Variants in TBC1D22A observed in about 807,000 individuals in gnomAD.
TBC1D22A encodes the protein TBC1 domain family member 22A.
A neutral mutation model predicts 60.2 loss-of-function variants in TBC1D22A; 38 were observed. That is an observed-to-expected ratio of 0.63 (90% confidence interval 0.49 to 0.83). The LOEUF (loss-of-function observed/expected upper bound fraction) is 0.83, where lower values mean the gene tolerates loss of function less well. Among genes scored for constraint, TBC1D22A ranks in the 40% least tolerant of loss-of-function variants. The pLI, the probability that TBC1D22A is intolerant of heterozygous loss-of-function variation, is 0.00. For synonymous variants in TBC1D22A, 302 were observed against 281.7 expected (o/e 1.07, Z -0.72); for missense variants, 628 against 701.0 (o/e 0.90, Z 1.18).
chr22:46,856,536 T>C (rs2087578077), intron 4 of TBC1D22A, among the ~76,000 whole-genome samples: 1 of 152,222 alleles, frequency 6.6e-6, no homozygotes. Context: ...TTAAATGCCA[T>C]GCAACATTGG....
intron 12 of TBC1D22A, among the ~76,000 whole-genome samples, chr22:47,141,480 T>C (rs2067083434): frequency 6.6e-6 from 1 of 152,224 alleles, no homozygotes; most frequent in South Asian, 2.1e-4. Flanking sequence ...AGGGCAGTTG[T>C]CCCCAGATCA....
chr22:46,973,276 A>G (rs2074149699), intron 8 of TBC1D22A, among the ~76,000 whole-genome samples: 1 of 152,174 alleles, frequency 6.6e-6, no homozygotes, highest in Non-Finnish European at 1.5e-5. Context: ...CATGTGTACC[A>G]GGCTGCTCGG....
intron 4 of TBC1D22A, among the ~76,000 whole-genome samples, chr22:46,812,302 C>T (rs1344423568): frequency 1.3e-5 from 2 of 152,224 alleles, no homozygotes; most frequent in Non-Finnish European, 2.9e-5. Context: ...TGCTCGTTCC[C>T]TGGCACCAGC....
intron 12 of TBC1D22A, among the ~76,000 whole-genome samples, chr22:47,139,319 C>T (rs955131452): frequency 1.3e-5 from 2 of 152,218 alleles, no homozygotes; most frequent in Non-Finnish European, 2.9e-5. Flanking sequence ...CAGAGGACAC[C>T]GCTGACACAA....
rs2061688073 is a variant in TBC1D22A at position 47,009,476 on chromosome 22, C to G, written c.1201+11767C>G. Among the ~76,000 whole-genome samples the G allele has an allele frequency of 1.4e-5, 2 of 140,374 alleles. No homozygotes were observed. The highest frequency in any genetic ancestry group is 3.2e-5 in the Non-Finnish European group (2 of 62,216). The allele number at this position is 140,374 out of a possible 152,430, so 92.1% of individuals were successfully genotyped here. A position where few individuals can be genotyped will look rare whatever the true frequency, so the allele number is the denominator to read the frequency against. On this transcript the variant is annotated intron_variant, in intron 10 of 12. Coordinates refer to ENST00000337137, the MANE Select transcript of TBC1D22A (RefSeq NM_014346.5). This position sits in a 1 kb window ranked among gnomAD's most constrained non-coding sequence, Gnocchi z 5.8. ...ATTTCTGTCATCACCATCGTCATCA[C>G]TATCACCATCATTTCATCACCATCA...
intron 10 of TBC1D22A, among the ~76,000 whole-genome samples, chr22:47,000,174 G>A (rs1295402411): frequency 2.6e-5 from 4 of 152,156 alleles, no homozygotes; most frequent in African/African-American, 9.7e-5. Context: ...TGCCCAGATG[G>A]GAATAGTTCA....
chr22:47,030,329 A>T (rs1003076842), intron 10 of TBC1D22A, among the ~76,000 whole-genome samples: 4 of 152,226 alleles, frequency 2.6e-5, no homozygotes, highest in Non-Finnish European at 5.9e-5. Flanking sequence ...GGTCCTGCAT[A>T]AACAGTGTGT....
At chr22:47,167,555 C>A (rs1198868569) in intron 12 of TBC1D22A, among the ~76,000 whole-genome samples, 1 of 152,112 alleles carries the variant, frequency 6.6e-6, no homozygotes, top group African/African-American at 2.4e-5. Flanking sequence ...GGTTCTTGTC[C>A]CACAGCCAAG....
intron 7 of TBC1D22A, among the ~76,000 whole-genome samples, chr22:46,911,187 G>T (rs566785716): frequency 4.6e-4 from 70 of 152,232 alleles, no homozygotes; most frequent in African/African-American, 1.7e-3. Context: ...ATAAGAGGTG[G>T]TGGAGAGAGG....
chr22:46,948,419 G>A (rs2072684584), intron 8 of TBC1D22A, among the ~76,000 whole-genome samples: 1 of 152,166 alleles, frequency 6.6e-6, no homozygotes, highest in Admixed American at 6.5e-5. Context: ...CTACATTCTT[G>A]GTAATGCCCT....
At chr22:47,003,445 C>T (rs1050013279) in intron 10 of TBC1D22A, among the ~76,000 whole-genome samples, 2 of 149,898 alleles carry the variant, frequency 1.3e-5, no homozygotes, top group African/African-American at 2.5e-5. Flanking sequence ...CCTGTACACA[C>T]GCACCCTACG....
chr22:47,090,495 C>G (rs568157972), intron 11 of TBC1D22A, among the ~76,000 whole-genome samples: 2 of 152,350 alleles, frequency 1.3e-5, no homozygotes, highest in East Asian at 3.9e-4. Flanking sequence ...CATGCATGCC[C>G]TTTACTGTCC....
intron 10 of TBC1D22A, among the ~76,000 whole-genome samples, chr22:47,017,841 A>G (rs2148327318): frequency 6.6e-6 from 1 of 152,334 alleles, no homozygotes; most frequent in East Asian, 1.9e-4. Context: ...AAGGAATCTC[A>G]TTTTTAAACA....
chr22:47,110,191 C>G (rs945357551), intron 11 of TBC1D22A, among the ~76,000 whole-genome samples: 2 of 152,092 alleles, frequency 1.3e-5, no homozygotes, highest in Non-Finnish European at 2.9e-5. Flanking sequence ...GTCTAAATGC[C>G]TTTTCTGGCC....
rs1319904955 is a variant in TBC1D22A, at chr22:47,009,333, CATT to C, written c.1201+11627_1201+11629del. On this transcript the variant is annotated intron_variant, in intron 10 of 12. Coordinates refer to ENST00000337137, the MANE Select transcript of TBC1D22A (RefSeq NM_014346.5). This position sits in a 1 kb window ranked among gnomAD's most constrained non-coding sequence, Gnocchi z 5.8. ...ACCACCATCATGTCATCATCACCAT[CATT>C]ATGTCATCACCACCATCATCATCAC... 1.3e-5 allele frequency among the ~76,000 whole-genome samples: 2 copies of C among 151,800 alleles called. No homozygotes were observed. The highest frequency in any genetic ancestry group is 3.9e-4 in the East Asian group (2 of 5,156).
At chr22:47,036,285 C>T (rs900037175) in intron 10 of TBC1D22A, among the ~76,000 whole-genome samples, 1 of 152,192 alleles carries the variant, frequency 6.6e-6, no homozygotes, top group African/African-American at 2.4e-5. Context: ...AGTAGGACCT[C>T]ATGGGCAGAA....
intron 1 of TBC1D22A, among the ~76,000 whole-genome samples, chr22:46,773,390 C>G (rs1012438038): frequency 6.6e-6 from 1 of 152,234 alleles, no homozygotes; most frequent in Non-Finnish European, 1.5e-5. Context: ...GCGCTCAGAA[C>G]TGAGGTGGCT....
At chr22:46,937,887 T>C (rs948548390) in intron 8 of TBC1D22A, among the ~76,000 whole-genome samples, 3 of 151,802 alleles carry the variant, frequency 2.0e-5, no homozygotes, top group East Asian at 3.9e-4. Flanking sequence ...GCTTATAGAA[T>C]AAGAAAATGA....
rs371037547 is a variant in TBC1D22A, at chr22:47,140,418, G to T, written c.1425+28815G>T. Reference sequence around the variant, plus strand: ...ACTAAAAATACAAAAAATTAGCCGGGTGTGGTGGCGGGCACCTGTAGTCCC... The same window carrying T: ...ACTAAAAATACAAAAAATTAGCCGGTTGTGGTGGCGGGCACCTGTAGTCCC... On this transcript the variant is annotated intron_variant, in intron 12 of 12. Transcript: ENST00000337137. 9.1e-4 allele frequency among the ~76,000 whole-genome samples: 138 copies of T among 152,186 alleles called. 1 individual carries two copies. The highest frequency in any genetic ancestry group is 2.5e-3 in the African/African-American group (102 of 41,534).
Sources: allele counts gnomAD v4.1 joint callset (sites outside exome capture counted in the v4.1 genomes callset), GRCh38; gene constraint gnomAD v4.1.1; non-coding constraint Gnocchi (gnomAD v3.1); transcripts MANE v1.5; gene names NCBI Gene and HGNC (gene_info 2026-07-23, HGNC 2026-07-21).